CD82: variants seen among roughly 807,000 people sequenced by gnomAD.
CD82 encodes the protein CD82 antigen.
A neutral mutation model predicts 37.4 loss-of-function variants in CD82; 36 were observed. That is an observed-to-expected ratio of 0.96 (90% confidence interval 0.74 to 1.27). CD82 has a LOEUF of 1.27. Ranked by LOEUF, CD82 falls within the 50% of genes most tolerant of loss-of-function variation. CD82 has a pLI of 0.00. For missense variants in CD82, 340 were observed against 347.0 expected (o/e 0.98, Z 0.16); for synonymous variants, 158 against 137.4 (o/e 1.15, Z -1.05).
In CD82 at chr11:44,619,482, G is replaced by A. The variant is rs12225877; in HGVS notation, c.*356G>A. ...TGTATGAAAAATTGGGGAGGAGGGGGCCGGGCGCGGTGGCTCACGCCTGTA... is the reference window on the plus strand; with the variant it reads ...TGTATGAAAAATTGGGGAGGAGGGGACCGGGCGCGGTGGCTCACGCCTGTA... On this transcript the variant is annotated 3_prime_UTR_variant, in exon 10 of 10. Transcript: ENST00000227155. The A allele has an allele frequency of 8.6e-5, 17 of 197,472 alleles. No individual in the cohort carries two copies. In the East Asian group the frequency reaches 2.2e-3, roughly 26 times the overall value. 12.2% of individuals were successfully genotyped at this position (197,472 alleles called of 1,614,324 possible). A position where few individuals can be genotyped will look rare whatever the true frequency, so the allele number is the denominator to read the frequency against.
intron 7 of CD82, among the ~76,000 whole-genome samples, chr11:44,616,375 C>T (rs549303922): frequency 6.6e-6 from 1 of 152,244 alleles, no homozygotes; most frequent in African/African-American, 2.4e-5. Flanking sequence ...GTAGTTTGAC[C>T]CACAATTGCT....
intron 6 of CD82, among the ~76,000 whole-genome samples, chr11:44,610,625 C>T (rs941356693): frequency 4.6e-5 from 7 of 152,088 alleles, no homozygotes; most frequent in East Asian, 1.9e-4. Context: ...GCTAAGATCC[C>T]GGGTCCCTGG....
At chr11:44,599,695 G>A (rs1227522339) in intron 3 of CD82, among the ~76,000 whole-genome samples, 1 of 152,272 alleles carries the variant, frequency 6.6e-6, no homozygotes, top group African/African-American at 2.4e-5. Context: ...GAGGGGGTCA[G>A]AGAAGGCTCC....
intron 4 of CD82, among the ~76,000 whole-genome samples, chr11:44,603,279 C>T (rs1853334141): frequency 6.6e-6 from 1 of 152,146 alleles, no homozygotes; most frequent in South Asian, 2.1e-4. Context: ...TCCTGAGCTC[C>T]AGAACATTCT....
upstream of CD82, among the ~76,000 whole-genome samples, chr11:44,564,940 T>A (rs7933160): frequency 9.8e-3 from 1,498 of 152,350 alleles, 20 homozygotes; most frequent in African/African-American, 0.034. Context: ...ATTCAAGGGC[T>A]AGAACTGTAT....
intron 1 of CD82, among the ~76,000 whole-genome samples, chr11:44,581,790 G>A (rs939535904): frequency 3.9e-5 from 6 of 152,222 alleles, no homozygotes; most frequent in African/African-American, 1.4e-4. Flanking sequence ...AGGAGAGGGT[G>A]CGGTTCCCTA....
At chr11:44,587,916 C>T (rs1265777890) in intron 2 of CD82, 1 of 260,934 alleles carries the variant, frequency 3.8e-6, no homozygotes, top group African/African-American at 2.2e-5. Context: ...CCCTGGTGTT[C>T]TTTGTGGCAG....
intron 1 of CD82, among the ~76,000 whole-genome samples, chr11:44,583,097 G>A (rs932837931): frequency 4.6e-5 from 7 of 152,172 alleles, no homozygotes; most frequent in African/African-American, 9.7e-5. Context: ...AGGCCATTCC[G>A]GCACTGTGAA....
chr11:44,565,471 C>T (rs564721222), upstream of CD82: 1 of 143,090 alleles, frequency 7.0e-6, no homozygotes, highest in Non-Finnish European at 1.5e-5. Context: ...CAGCTGGGCC[C>T]GGGGGCGAGG....
At chr11:44,601,693 G>A (rs1460434293) in intron 4 of CD82, among the ~76,000 whole-genome samples, 3 of 152,264 alleles carry the variant, frequency 2.0e-5, no homozygotes, top group Non-Finnish European at 4.4e-5. Context: ...CAAGCTGGCC[G>A]GACCTTAAAG....
chr11:44,596,900 A>C (rs1853235566), intron 3 of CD82: 6 of 456,034 alleles, frequency 1.3e-5, no homozygotes, highest in South Asian at 9.3e-5. Flanking sequence ...GAAAAATTGC[A>C]GTTGTTGGGG....
rs755676482 is a variant in CD82 at position 44,597,301 on chromosome 11, C to G, written c.63+2576C>G. Among the ~76,000 whole-genome samples, 1 of 152,204 alleles carries G rather than the reference C, an allele frequency of 6.6e-6. No homozygotes were observed. The highest frequency in any genetic ancestry group is 2.1e-4 in the South Asian group (1 of 4,834). On this transcript the variant is annotated intron_variant, in intron 3 of 9. Coordinates refer to ENST00000227155, the MANE Select transcript of CD82 (RefSeq NM_002231.4). The surrounding 1 kb of genome is among the most constrained non-coding windows in gnomAD (Gnocchi z 4.1). ...GTGCTGTGGCTATGCTGGGGAAGGACGCTCACTGCTCTGAGGGTCCTGGCT... is the reference window on the plus strand; with the variant it reads ...GTGCTGTGGCTATGCTGGGGAAGGAGGCTCACTGCTCTGAGGGTCCTGGCT...
At chr11:44,575,912 T>G (rs1852884521) in intron 1 of CD82, among the ~76,000 whole-genome samples, 1 of 152,216 alleles carries the variant, frequency 6.6e-6, no homozygotes, top group Non-Finnish European at 1.5e-5. Flanking sequence ...GTAGGAGGGC[T>G]AGTACTGGAA....
Position 44,587,456 on chromosome 11 carries a change from T to C in CD82, c.-102-19T>C, listed in dbSNP as rs1474748657. ...AGAGTCACAGACAGGAGTGACGAGA[T>C]CTGGGTCGTGTTTTTCAGAGTCCTC... On this transcript the variant is annotated intron_variant, in intron 1 of 9. Coordinates refer to ENST00000227155, the MANE Select transcript of CD82 (RefSeq NM_002231.4). 2 of 456,078 alleles carry C rather than the reference T, an allele frequency of 4.4e-6. No individual in the cohort carries two copies. The highest frequency in any genetic ancestry group is 4.0e-5 in the African/African-American group (2 of 50,020). 28.3% of individuals were successfully genotyped at this position (456,078 alleles called of 1,614,324 possible).
intron 6 of CD82, among the ~76,000 whole-genome samples, chr11:44,605,850 A>G (rs961668833): frequency 2.6e-5 from 4 of 152,264 alleles, no homozygotes; most frequent in Non-Finnish European, 5.9e-5. Flanking sequence ...TTATTAAGAT[A>G]CTTTAGCAAC....
chr11:44,615,505 T>C, intron 7 of CD82, 132 bp downstream of exon 7: 1 of 651,920 alleles, frequency 1.5e-6, no homozygotes, highest in Non-Finnish European at 2.8e-6. Flanking sequence ...GAGAGTGTGC[T>C]TCTATGGGGG....
chr11:44,585,857 G>T (rs924753737), intron 1 of CD82, among the ~76,000 whole-genome samples: 1 of 152,204 alleles, frequency 6.6e-6, no homozygotes, highest in African/African-American at 2.4e-5. Context: ...TCTGAAAAAC[G>T]CAGTGATCTC....
Position 44,619,832 on chromosome 11 carries a change from G to A in CD82, c.*706G>A, listed in dbSNP as rs1369154738. The A allele has an allele frequency of 6.6e-6, 1 of 151,670 alleles. No individual in the cohort carries two copies. Among genetic ancestry groups the A allele is most frequent in the Non-Finnish European group, 1.5e-5 (1 of 67,994 alleles). 9.4% of individuals were successfully genotyped at this position (151,670 alleles called of 1,614,324 possible). ...TTAGATAAGGCACTCTGGGCTGTCA[G>A]GAGACTGCCTACTGGGTGGGTCAAC... On this transcript the variant is annotated 3_prime_UTR_variant, in exon 10 of 10. Coordinates refer to ENST00000227155, the MANE Select transcript of CD82 (RefSeq NM_002231.4).
At chr11:44,582,522 A>C (rs1852994903) in intron 1 of CD82, among the ~76,000 whole-genome samples, 1 of 152,184 alleles carries the variant, frequency 6.6e-6, no homozygotes, top group African/African-American at 2.4e-5. Flanking sequence ...GAGAACACTG[A>C]GGCTCAATGC....
Sources: gnomAD v4.1 joint callset for allele counts (sites outside exome capture counted in the v4.1 genomes callset) on GRCh38, gnomAD v4.1.1 for gene constraint, Gnocchi (gnomAD v3.1) non-coding constraint, MANE v1.5 for transcripts, NCBI Gene and HGNC (gene_info 2026-07-23, HGNC 2026-07-21) for gene names.